The following PTPRD variants were observed in gnomAD, a reference collection of about 807,000 sequenced individuals.
PTPRD encodes the protein protein tyrosine phosphatase receptor type D.
Under a neutral mutation model 214.5 loss-of-function variants are expected in PTPRD, and 34 were observed. The observed-to-expected ratio is 0.16, with a 90% CI of 0.12 to 0.21. PTPRD has a LOEUF of 0.21. Ranked by LOEUF, PTPRD falls within the 10% of genes least tolerant of loss-of-function variation. PTPRD has a pLI of 1.00. For missense variants in PTPRD, 2,545 were observed against 2,398.7 expected (o/e 1.06, Z -1.27); for synonymous variants, 1,128 against 845.7 (o/e 1.33, Z -5.79).
At chr9:10,492,284 C>G (rs1366167196) in intron 2 of PTPRD, among the ~76,000 whole-genome samples, 1 of 152,092 alleles carries the variant, frequency 6.6e-6, no homozygotes, top group East Asian at 1.9e-4. Flanking sequence ...TAAGAATTGC[C>G]ACACAGTCTT....
Position 8,528,774 on chromosome 9 carries a change from G to C in PTPRD, c.358C>G (p.Gln120Glu), listed in dbSNP as rs758007107. Residue 120 changes from glutamine to glutamate, a missense_variant, in exon 15 of 46, where the codon CAA (glutamine) becomes GAA (glutamate). Transcript: ENST00000381196. ...STRLTVLREDQIPRGFPTIDM... is the reference protein window; with the variant it reads ...STRLTVLREDEIPRGFPTIDM... ...ATGGTAGGGAAGCCCCTGGGAATTT[G>C]ATCTTCTGCAAGACAAAAGGTGATA... 6.2e-7 allele frequency: 1 copy of C among 1,613,068 alleles called. No individual in the cohort carries two copies. Among genetic ancestry groups the C allele is most frequent in the Non-Finnish European group, 8.5e-7 (1 of 1,179,444 alleles).
chr9:9,855,636 C>T (rs2061411928), intron 5 of PTPRD, among the ~76,000 whole-genome samples: 3 of 152,188 alleles, frequency 2.0e-5, no homozygotes, highest in Admixed American at 2.0e-4. Context: ...AGTGCAGAAG[C>T]ACTGGAACCA....
At chr9:10,410,270 T>TATATATATATATATATATATATACAC (rs532202941) in intron 2 of PTPRD, among the ~76,000 whole-genome samples, 30 of 139,834 alleles carry the variant, frequency 2.1e-4, no homozygotes, top group African/African-American at 7.4e-4. Context: ...TATATATATA[T>TATATATATATATATATATATATACAC]ACACACACAC....
At chr9:9,012,122 C>G (rs1380272226) in intron 11 of PTPRD, among the ~76,000 whole-genome samples, 1 of 152,132 alleles carries the variant, frequency 6.6e-6, no homozygotes, top group African/African-American at 2.4e-5. Flanking sequence ...CAGGCAGCTC[C>G]TGGAGCTGAG....
intron 7 of PTPRD, among the ~76,000 whole-genome samples, chr9:9,696,469 A>G (rs1157934266): frequency 6.6e-6 from 1 of 151,990 alleles, no homozygotes; most frequent in Non-Finnish European, 1.5e-5. Flanking sequence ...TTTGCTTTTT[A>G]TAATTGGGTG....
intron 9 of PTPRD, among the ~76,000 whole-genome samples, chr9:9,184,109 A>G (rs1255848440): frequency 6.6e-6 from 1 of 151,824 alleles, no homozygotes; most frequent in African/African-American, 2.4e-5. Context: ...TCCTCCTTCA[A>G]TTCCCAGCAA....
chr9:9,162,547 G>A (rs1342948080), intron 10 of PTPRD, among the ~76,000 whole-genome samples: 2 of 152,010 alleles, frequency 1.3e-5, no homozygotes, highest in African/African-American at 4.8e-5. Flanking sequence ...TCTGCAGTCT[G>A]AAATCCTTCC....
At chr9:8,811,403 G>A (rs544501653) in intron 11 of PTPRD, among the ~76,000 whole-genome samples, 1 of 152,120 alleles carries the variant, frequency 6.6e-6, no homozygotes, top group Non-Finnish European at 1.5e-5. Flanking sequence ...TAAGGTAGGA[G>A]TACAATAAAA....
At chr9:10,199,847 G>T (rs902097118) in intron 3 of PTPRD, among the ~76,000 whole-genome samples, 4 of 151,424 alleles carry the variant, frequency 2.6e-5, no homozygotes, top group Non-Finnish European at 5.9e-5. Context: ...AAAGTAAAAA[G>T]ATGGAGGCAA....
At chr9:10,555,082 A>C (rs866365552) in intron 2 of PTPRD, among the ~76,000 whole-genome samples, 11 of 152,234 alleles carry the variant, frequency 7.2e-5, no homozygotes, top group Admixed American at 7.2e-4. Context: ...TGACTGGTCC[A>C]GCTAGAGTCT....
intron 14 of PTPRD, among the ~76,000 whole-genome samples, chr9:8,593,785 T>A (rs141856262): frequency 1.3e-5 from 2 of 152,166 alleles, no homozygotes; most frequent in African/African-American, 4.8e-5. Flanking sequence ...GTGATGATGA[T>A]CATAGCACCC....
chr9:10,482,227 C>A (rs545071428), intron 2 of PTPRD, among the ~76,000 whole-genome samples: 1 of 151,638 alleles, frequency 6.6e-6, no homozygotes, highest in African/African-American at 2.4e-5. Context: ...AAAAATTAGC[C>A]GGGCGTGGTG....
At chr9:9,487,151 C>T (rs555763204) in intron 8 of PTPRD, among the ~76,000 whole-genome samples, 2 of 152,116 alleles carry the variant, frequency 1.3e-5, no homozygotes, top group East Asian at 1.9e-4. Flanking sequence ...TGTTGGTGTG[C>T]TGCACCCATT....
chr9:9,310,945 A>ATAAT (rs1411354212), intron 9 of PTPRD, among the ~76,000 whole-genome samples: 1 of 148,584 alleles, frequency 6.7e-6, no homozygotes, highest in East Asian at 1.9e-4. Flanking sequence ...AAATAAATAA[A>ATAAT]TAAATAAATA....
intron 2 of PTPRD, among the ~76,000 whole-genome samples, chr9:10,370,896 G>C (rs771615963): frequency 2.2e-4 from 33 of 152,086 alleles, no homozygotes; most frequent in African/African-American, 7.9e-4. Flanking sequence ...CCTGGTCTGA[G>C]TGAGTGTTCA....
intron 31 of PTPRD, among the ~76,000 whole-genome samples, chr9:8,467,248 C>G (rs2096562693): frequency 2.0e-5 from 3 of 151,812 alleles, no homozygotes; most frequent in Admixed American, 6.6e-5. Context: ...TTGGACCATC[C>G]CATAATAAAT....
intron 9 of PTPRD, among the ~76,000 whole-genome samples, chr9:9,272,029 G>A (rs988701856): frequency 2.0e-5 from 3 of 151,244 alleles, no homozygotes; most frequent in African/African-American, 4.8e-5. Flanking sequence ...ATGAGGTGAA[G>A]AATGGAGTTT....
chr9:9,150,802 C>G (rs2154488027), intron 10 of PTPRD, among the ~76,000 whole-genome samples: 1 of 152,268 alleles, frequency 6.6e-6, no homozygotes, highest in East Asian at 1.9e-4. Flanking sequence ...AAAACAAACA[C>G]TGGCAAATAT....
intron 2 of PTPRD, among the ~76,000 whole-genome samples, chr9:10,419,157 T>G (rs1469560984): frequency 6.6e-6 from 1 of 151,914 alleles, no homozygotes; most frequent in Admixed American, 6.6e-5. Flanking sequence ...ACCACTTGTG[T>G]AAAAATCACT....
Sources: gnomAD v4.1 joint callset for allele counts (sites outside exome capture counted in the v4.1 genomes callset) on GRCh38, gnomAD v4.1.1 for gene constraint, MANE v1.5 for transcripts, NCBI Gene and HGNC (gene_info 2026-07-23, HGNC 2026-07-21) for gene names.